Variants in GNAQ observed in about 807,000 individuals in gnomAD.
GNAQ encodes the protein guanine nucleotide-binding protein G(q) subunit alpha.
GNAQ carries 8 observed loss-of-function variants against 43.9 expected under a neutral mutation model. The observed-to-expected ratio is 0.18, with a 90% CI of 0.11 to 0.33. GNAQ has a LOEUF of 0.33. Among genes scored for constraint, GNAQ ranks in the 10% least tolerant of loss-of-function variants. The pLI is 1.00. For missense variants in GNAQ, 158 were observed against 450.8 expected (o/e 0.35, Z 5.88); for synonymous variants, 155 against 170.7 (o/e 0.91, Z 0.71).
chr9:77,965,260 G>A (rs1050222958), intron 1 of GNAQ, among the ~76,000 whole-genome samples: 3 of 151,918 alleles, frequency 2.0e-5, no homozygotes, highest in Non-Finnish European at 4.4e-5. Flanking sequence ...GAATCCTCAC[G>A]AATCAACCCT....
intron 2 of GNAQ, among the ~76,000 whole-genome samples, chr9:77,885,674 GA>G (rs1336626562): frequency 7.3e-5 from 11 of 151,390 alleles, no homozygotes; most frequent in African/African-American, 1.7e-4. Flanking sequence ...CGGATGGAAA[GA>G]AAAGCCTCTT....
At chr9:78,003,769 T>C (rs1823672373) in intron 1 of GNAQ, among the ~76,000 whole-genome samples, 2 of 148,646 alleles carry the variant, frequency 1.3e-5, no homozygotes, top group African/African-American at 5.0e-5. Context: ...TCAGCCTAGA[T>C]AGCGTCATTG....
intron 1 of GNAQ, among the ~76,000 whole-genome samples, chr9:77,960,545 G>C (rs1823094946): frequency 6.6e-6 from 1 of 152,102 alleles, no homozygotes; most frequent in African/African-American, 2.4e-5. Flanking sequence ...TGTGTGCTCT[G>C]GACTGATTGG....
At chr9:77,864,300 C>T (rs115140997) in intron 2 of GNAQ, among the ~76,000 whole-genome samples, 106 of 152,142 alleles carry the variant, frequency 7.0e-4, no homozygotes, top group African/African-American at 2.4e-3. Context: ...TCCCATTAGG[C>T]TCCACCTCCA....
intron 1 of GNAQ, among the ~76,000 whole-genome samples, chr9:77,960,552 T>C (rs926150648): frequency 1.3e-5 from 2 of 152,148 alleles, no homozygotes; most frequent in African/African-American, 4.8e-5. Flanking sequence ...TCTGGACTGA[T>C]TGGTTTGCAC....
At position 77,718,350 on chromosome 9, in the gene GNAQ, GA is replaced by G. The variant is rs1825256674; in HGVS notation, c.*2972del. On this transcript the variant is annotated 3_prime_UTR_variant, in exon 7 of 7. Transcript: ENST00000286548. The stretch of plus-strand genomic sequence containing the variant: ...CCCCTAGCCCCTTCAATAAAACCCC[GA>G]AGAAACAAAAAAGAAAATCCTTTAG... 3 of 229,922 alleles carry G rather than the reference GA, an allele frequency of 1.3e-5. No individual in the cohort carries two copies. Among genetic ancestry groups the G allele is most frequent in the Non-Finnish European group, 1.7e-5 (2 of 116,716 alleles). 14.2% of individuals were successfully genotyped at this position (229,922 alleles called of 1,614,324 possible).
At chr9:77,966,224 A>G (rs919119451) in intron 1 of GNAQ, among the ~76,000 whole-genome samples, 2 of 152,154 alleles carry the variant, frequency 1.3e-5, no homozygotes, top group African/African-American at 4.8e-5. Context: ...TTTGATGAAT[A>G]TATTTGTTAT....
intron 2 of GNAQ, among the ~76,000 whole-genome samples, chr9:77,871,366 G>T (rs1828036158): frequency 6.6e-6 from 1 of 152,148 alleles, no homozygotes; most frequent in East Asian, 1.9e-4. Flanking sequence ...GATAAGAGTA[G>T]CCATCCCAGG....
intron 2 of GNAQ, among the ~76,000 whole-genome samples, chr9:77,874,974 A>C (rs1375210745): frequency 1.3e-5 from 2 of 151,918 alleles, no homozygotes; most frequent in Non-Finnish European, 2.9e-5. Flanking sequence ...ATGACCAAGC[A>C]GAAGGGGTTG....
At chr9:77,783,021 C>T (rs1269975180) in intron 5 of GNAQ, among the ~76,000 whole-genome samples, 3 of 152,152 alleles carry the variant, frequency 2.0e-5, no homozygotes, top group East Asian at 1.9e-4. Flanking sequence ...GAGTACAGAG[C>T]ATTTTTAGGG....
At chr9:77,774,997 T>A (rs1301093635) in intron 5 of GNAQ, among the ~76,000 whole-genome samples, 3 of 152,202 alleles carry the variant, frequency 2.0e-5, no homozygotes, top group Non-Finnish European at 4.4e-5. Context: ...CTATAATAAA[T>A]ATCTGTATTA....
chr9:77,838,643 C>T (rs1827434001), intron 2 of GNAQ, among the ~76,000 whole-genome samples: 1 of 151,986 alleles, frequency 6.6e-6, no homozygotes, highest in Admixed American at 6.6e-5. Context: ...GTCTCAAACT[C>T]CTGACCTCAG....
intron 2 of GNAQ, among the ~76,000 whole-genome samples, chr9:77,850,403 G>C (rs184378731): frequency 6.6e-6 from 1 of 152,094 alleles, no homozygotes; most frequent in Non-Finnish European, 1.5e-5. Context: ...CACCTCTACT[G>C]CCCTGGGTCT....
intron 1 of GNAQ, among the ~76,000 whole-genome samples, chr9:77,976,539 C>A (rs996276307): frequency 6.6e-6 from 1 of 152,058 alleles, no homozygotes; most frequent in Admixed American, 6.5e-5. Flanking sequence ...ATTACAGGCA[C>A]GCGCTGCCAC....
intron 1 of GNAQ, among the ~76,000 whole-genome samples, chr9:77,993,806 A>G (rs987031838): frequency 2.6e-5 from 4 of 152,222 alleles, no homozygotes; most frequent in African/African-American, 9.7e-5. Flanking sequence ...TGACATTTCA[A>G]GACTACTTTA....
chr9:77,809,029 T>C (rs539184681), intron 3 of GNAQ, among the ~76,000 whole-genome samples: 18 of 152,324 alleles, frequency 1.2e-4, no homozygotes, highest in Admixed American at 7.8e-4. Flanking sequence ...GGCCCTAAGT[T>C]AGCTGGATGT....
intron 2 of GNAQ, among the ~76,000 whole-genome samples, chr9:77,851,321 C>T (rs1827673574): frequency 6.6e-6 from 1 of 152,108 alleles, no homozygotes; most frequent in South Asian, 2.1e-4. Flanking sequence ...AACAGGATGC[C>T]TATTGTGTAG....
chr9:77,781,411 G>GT (rs1209898346), intron 5 of GNAQ, among the ~76,000 whole-genome samples: 2 of 152,116 alleles, frequency 1.3e-5, no homozygotes, highest in East Asian at 3.9e-4. Flanking sequence ...AGATATAGGG[G>GT]TTACTGTCAC....
At chr9:77,849,808 C>T (rs979743806) in intron 2 of GNAQ, among the ~76,000 whole-genome samples, 2 of 152,162 alleles carry the variant, frequency 1.3e-5, no homozygotes, top group African/African-American at 4.8e-5. Flanking sequence ...CTGGGGACTA[C>T]AGGTGCGCCA....
Sources: allele counts gnomAD v4.1 joint callset (sites outside exome capture counted in the v4.1 genomes callset), GRCh38; gene constraint gnomAD v4.1.1; transcripts MANE v1.5; gene names NCBI Gene and HGNC (gene_info 2026-07-23, HGNC 2026-07-21).